Variants in NECAB1 observed in about 807,000 individuals in gnomAD.
NECAB1 encodes N-terminal EF-hand calcium-binding protein 1.
NECAB1 carries 29 observed loss-of-function variants against 57.5 expected under a neutral mutation model. The ratio of observed to expected loss-of-function variants is 0.50; its 90% CI spans 0.38 to 0.69. NECAB1 has a LOEUF of 0.69. NECAB1 is among the 30% of genes least tolerant of loss of function. NECAB1 has a pLI of 0.00. For missense variants in NECAB1, 372 were observed against 413.8 expected (o/e 0.90, Z 0.88); for synonymous variants, 142 against 147.7 (o/e 0.96, Z 0.28).
At chr8:90,938,400 T>C (rs996880725) in intron 9 of NECAB1, among the ~76,000 whole-genome samples, 4 of 152,174 alleles carry the variant, frequency 2.6e-5, no homozygotes, top group Non-Finnish European at 4.4e-5. Context: ...GGATCCCACA[T>C]TTTAGTAAGC....
chr8:90,823,251 G>A (rs2129703552), intron 2 of NECAB1, among the ~76,000 whole-genome samples: 1 of 151,896 alleles, frequency 6.6e-6, no homozygotes, highest in Non-Finnish European at 1.5e-5. Context: ...TACCTCTAAG[G>A]CTGTGTCTGC....
rs1812197262 is a variant in NECAB1, at chr8:90,824,826, G to A, written c.233+1G>A. 1.4e-6 allele frequency: 2 copies of A among 1,474,026 alleles called. No homozygotes were observed. Among genetic ancestry groups the A allele is most frequent in the Non-Finnish European group, 1.8e-6 (2 of 1,090,286 alleles). The allele number at this position is 1,474,026 out of a possible 1,614,324, so 91.3% of individuals were successfully genotyped here. A position where few individuals can be genotyped will look rare whatever the true frequency, so the allele number is the denominator to read the frequency against. ...ATACCATTGATACACATAATACTAA[G>A]TAAGAAACTTTTTTATCACTGGATT... is the stretch of plus-strand genomic sequence containing the variant. On this transcript the variant is annotated splice_donor_variant, in intron 3 of 12. Transcript: ENST00000417640. LOFTEE classifies it high-confidence loss of function.
At chr8:90,816,540 C>T (rs1466711965) in intron 2 of NECAB1, among the ~76,000 whole-genome samples, 1 of 151,804 alleles carries the variant, frequency 6.6e-6, no homozygotes, top group African/African-American at 2.4e-5. Context: ...AATTTTCATA[C>T]ATGGATATCC....
intron 2 of NECAB1, among the ~76,000 whole-genome samples, chr8:90,809,550 TTAAG>T (rs1488222860): frequency 2.0e-5 from 3 of 152,194 alleles, no homozygotes; most frequent in Admixed American, 6.5e-5. Flanking sequence ...ATTGGAAGTG[TTAAG>T]TAAGAGAGAT....
intron 9 of NECAB1, among the ~76,000 whole-genome samples, chr8:90,935,950 G>A (rs1220016669): frequency 6.6e-6 from 1 of 152,122 alleles, no homozygotes; most frequent in East Asian, 1.9e-4. Context: ...CCTATTTCCA[G>A]CCATATATAG....
At chr8:90,949,272 C>G (rs955790360) in intron 10 of NECAB1, among the ~76,000 whole-genome samples, 1 of 151,548 alleles carries the variant, frequency 6.6e-6, no homozygotes, top group South Asian at 2.1e-4. Context: ...TAGGTATTGG[C>G]AAACTAGGAG....
At chr8:90,856,170 T>G (rs916017649) in intron 3 of NECAB1, among the ~76,000 whole-genome samples, 2 of 152,258 alleles carry the variant, frequency 1.3e-5, no homozygotes, top group African/African-American at 4.8e-5. Flanking sequence ...GGAGACTCTG[T>G]TCAAGGTAAC....
intron 3 of NECAB1, among the ~76,000 whole-genome samples, chr8:90,867,648 A>C (rs113119667): frequency 0.028 from 4,305 of 152,340 alleles, 188 homozygotes; most frequent in African/African-American, 0.098. Flanking sequence ...AAATAGATTT[A>C]TTTGTTTATC....
In NECAB1 at chr8:90,958,052, CTA is replaced by C. The variant is rs1295578893; in HGVS notation, c.*2546_*2547del. ...TTAGGGAGAGTTTACACTTACTTACCTATATATCAGCAGATTTTTCTGGAAGA... is the reference window on the plus strand; with the variant it reads ...TTAGGGAGAGTTTACACTTACTTACCTATATCAGCAGATTTTTCTGGAAGA... On this transcript the variant is annotated 3_prime_UTR_variant, in exon 13 of 13. Transcript: ENST00000417640. 2 of 148,448 alleles carry C rather than the reference CTA, an allele frequency of 1.3e-5. No homozygotes were observed. Among genetic ancestry groups the C allele is most frequent in the East Asian group, 3.9e-4 (2 of 5,108 alleles). 9.2% of individuals were successfully genotyped at this position (148,448 alleles called of 1,614,324 possible).
chr8:90,925,585 G>A lies in NECAB1; in HGVS notation c.545G>A (p.Arg182Gln), dbSNP rs1299554994. 24 of 1,613,308 alleles carry A rather than the reference G, an allele frequency of 1.5e-5. No homozygotes were observed. The highest frequency in any genetic ancestry group is 3.3e-5 in the Admixed American group (2 of 59,928). ...EVLSIQWPGK[R>Q]SSRRVQRHNS... The stretch of plus-strand genomic sequence containing the variant: ...CTGTCGATTCAATGGCCTGGAAAAC[G>A]ATCAAGCCGCCGAGTCCAGAGACAC... Residue 182 changes from arginine to glutamine, a missense_variant, in exon 7 of 13, where the codon CGA (arginine) becomes CAA (glutamine). Coordinates refer to ENST00000417640, the MANE Select transcript of NECAB1 (RefSeq NM_022351.5).
At chr8:90,808,768 C>T (rs1056360392) in intron 2 of NECAB1, among the ~76,000 whole-genome samples, 3 of 150,808 alleles carry the variant, frequency 2.0e-5, no homozygotes, top group African/African-American at 4.9e-5. Context: ...GCCTCAGTCT[C>T]GCAAGTAGCT....
intron 3 of NECAB1, among the ~76,000 whole-genome samples, chr8:90,867,250 A>G (rs1278711885): frequency 6.6e-6 from 1 of 152,258 alleles, no homozygotes; most frequent in Non-Finnish European, 1.5e-5. Context: ...ATATATTCCA[A>G]GTAATTCCAT....
chr8:90,939,084 C>T (rs1810607738), intron 9 of NECAB1, among the ~76,000 whole-genome samples: 2 of 152,188 alleles, frequency 1.3e-5, no homozygotes, highest in African/African-American at 2.4e-5. Context: ...TGTAACACAG[C>T]CACACTCATT....
At chr8:90,852,691 C>T (rs1253725476) in intron 3 of NECAB1, among the ~76,000 whole-genome samples, 2 of 152,162 alleles carry the variant, frequency 1.3e-5, no homozygotes, top group Non-Finnish European at 2.9e-5. Context: ...TTCAGAGGGA[C>T]AGCTTGACAG....
chr8:90,798,399 G>C (rs62528306), intron 1 of NECAB1, among the ~76,000 whole-genome samples: 1 of 152,132 alleles, frequency 6.6e-6, no homozygotes, highest in Non-Finnish European at 1.5e-5. Context: ...CCATCACCCA[G>C]GTAGTGAGCA....
chr8:90,873,224 G>A (rs77264484), intron 4 of NECAB1, among the ~76,000 whole-genome samples: 9,246 of 152,228 alleles, frequency 0.061, 392 homozygotes, highest in Admixed American at 0.083. Context: ...CAGGTTCAGG[G>A]AGGAAAATCC....
chr8:90,833,500 C>T (rs1812323916), intron 3 of NECAB1, among the ~76,000 whole-genome samples: 2 of 152,050 alleles, frequency 1.3e-5, no homozygotes, highest in South Asian at 4.1e-4. Context: ...TGGTTTGCTA[C>T]ATCTAGCATA....
chr8:90,824,507 A>G (rs1181490034), intron 2 of NECAB1, among the ~76,000 whole-genome samples: 1 of 151,890 alleles, frequency 6.6e-6, no homozygotes, highest in African/African-American at 2.4e-5. Context: ...AGAACCTTGT[A>G]GACTTATATT....
At chr8:90,844,716 T>C (rs1812523732) in intron 3 of NECAB1, among the ~76,000 whole-genome samples, 1 of 152,180 alleles carries the variant, frequency 6.6e-6, no homozygotes, top group Admixed American at 6.5e-5. Context: ...ACTTTCACTT[T>C]CTCCCTTGTT....
Sources: gnomAD v4.1 joint callset for allele counts (sites outside exome capture counted in the v4.1 genomes callset) on GRCh38, gnomAD v4.1.1 for gene constraint, MANE v1.5 for transcripts, NCBI Gene and HGNC (gene_info 2026-07-23, HGNC 2026-07-21) for gene names.